P4HA1: variants seen among roughly 807,000 people sequenced by gnomAD.
P4HA1 encodes prolyl 4-hydroxylase subunit alpha 1.
P4HA1 carries 24 observed loss-of-function variants against 72.8 expected under a neutral mutation model. The observed-to-expected ratio is 0.33, with a 90% CI of 0.24 to 0.46. The LOEUF (loss-of-function observed/expected upper bound fraction) is 0.46, where lower values mean the gene tolerates loss of function less well. Among genes scored for constraint, P4HA1 ranks in the 20% least tolerant of loss-of-function variants. The probability of loss-of-function intolerance (pLI) is 1.00; values close to 1 mark genes in which losing one functional copy is unlikely to be tolerated. For synonymous variants in P4HA1, 201 were observed against 218.8 expected (o/e 0.92, Z 0.72); for missense variants, 446 against 640.6 (o/e 0.70, Z 3.28).
intron 1 of P4HA1, among the ~76,000 whole-genome samples, chr10:73,095,946 T>G (rs1309945609): frequency 1.3e-5 from 2 of 151,644 alleles, no homozygotes; most frequent in African/African-American, 4.8e-5. Flanking sequence ...CAACTCAAAA[T>G]CCTCACACAA....
At position 73,063,173 on chromosome 10, in the gene P4HA1, AC is replaced by A. The variant is rs762031700; in HGVS notation, c.463+5672del. Among the ~76,000 whole-genome samples, 84 of 152,288 alleles carry A rather than the reference AC, an allele frequency of 5.5e-4. 1 individual carries two copies. The highest frequency in any genetic ancestry group is 1.0e-3 in the Non-Finnish European group (71 of 68,030). On this transcript the variant is annotated intron_variant, in intron 5 of 14. Transcript: ENST00000394890. ...CAAGGACTGGATAATTTATAAAAAA[AC>A]AAATTTATTTTCTCACAGTTCTAGA... is the stretch of plus-strand genomic sequence containing the variant.
At chr10:73,052,092 G>T (rs540345912) in intron 6 of P4HA1, among the ~76,000 whole-genome samples, 2 of 151,006 alleles carry the variant, frequency 1.3e-5, no homozygotes, top group African/African-American at 4.9e-5. Context: ...TATAATTTTC[G>T]AATAAGCTGG....
Position 73,016,761 on chromosome 10 carries a change from A to G in P4HA1, c.1302+85T>C, listed in dbSNP as rs568529785. 7 of 993,270 alleles carry G rather than the reference A, an allele frequency of 7.0e-6. No individual in the cohort carries two copies. The South Asian group carries it at 8.1e-5, about 12-fold the overall frequency. 61.5% of individuals were successfully genotyped at this position (993,270 alleles called of 1,614,324 possible). Reference sequence around the variant, plus strand: ...TACTGCACTCCAGCCTGGGTGACAGAGTGAGACTGTTTTTTTGTTTTGTTT... The same window carrying G: ...TACTGCACTCCAGCCTGGGTGACAGGGTGAGACTGTTTTTTTGTTTTGTTT... On this transcript the variant is annotated intron_variant, in intron 11 of 14. Transcript: ENST00000394890.
chr10:73,028,921 T>C (rs1589585383), intron 10 of P4HA1, among the ~76,000 whole-genome samples: 1 of 151,074 alleles, frequency 6.6e-6, no homozygotes, highest in Admixed American at 6.6e-5. Flanking sequence ...GGCATGTGCC[T>C]GTGGTCCCAG....
rs1839875614 is a variant in P4HA1 at position 73,009,873 on chromosome 10, C to T, written c.1468G>A (p.Ala490Thr). Reference sequence around the variant, plus strand: ...GTACTATAATCTCCTTCTCCACTGGCAAACAGATTATACCAGAAAACAGCA... The same window carrying T: ...GTACTATAATCTCCTTCTCCACTGGTAAACAGATTATACCAGAAAACAGCA... ...GTAVFWYNLF[A>T]SGEGDYSTRH... The change falls in exon 14 of 15, where the codon GCC becomes ACC. Residue 490 changes from alanine (A) to threonine (T), a missense_variant. Coordinates refer to ENST00000394890, the MANE Select transcript of P4HA1 (RefSeq NM_001017962.3). The T allele has an allele frequency of 6.2e-7, 1 of 1,610,006 alleles. No homozygotes were observed. The highest frequency in any genetic ancestry group is 1.3e-5 in the African/African-American group (1 of 74,854).
At chr10:73,068,232 AAATC>A (rs1841472412) in intron 5 of P4HA1, among the ~76,000 whole-genome samples, 1 of 152,236 alleles carries the variant, frequency 6.6e-6, no homozygotes, top group African/African-American at 2.4e-5. Context: ...CTTACGGAGA[AAATC>A]AATTTCAATG....
At chr10:73,078,600 ATTTTTTT>A (rs770821126) in intron 1 of P4HA1, among the ~76,000 whole-genome samples, 11 of 99,698 alleles carry the variant, frequency 1.1e-4, no homozygotes, top group Non-Finnish European at 1.5e-4. Flanking sequence ...GCAGTAGGTA[ATTTTTTT>A]TTTTTTTTTT....
intron 5 of P4HA1, among the ~76,000 whole-genome samples, chr10:73,054,011 G>T (rs978187883): frequency 6.6e-5 from 10 of 151,892 alleles, no homozygotes; most frequent in African/African-American, 2.4e-4. Context: ...CCGCCTCCCA[G>T]GTTCAAGTGA....
intron 12 of P4HA1, among the ~76,000 whole-genome samples, chr10:73,012,551 GA>G (rs1839928960): frequency 1.3e-5 from 2 of 152,088 alleles, no homozygotes; most frequent in African/African-American, 4.8e-5. Flanking sequence ...AGTTGTGAGA[GA>G]AATACAAATT....
At chr10:73,014,369 G>A (rs989457274) in intron 11 of P4HA1, 80 bp from the exon 12 acceptor site, 93 of 1,014,190 alleles carry the variant, frequency 9.2e-5, no homozygotes, top group Middle Eastern at 4.1e-4. Context: ...AACATCAGTA[G>A]TAATATCCTG....
intron 7 of P4HA1, among the ~76,000 whole-genome samples, chr10:73,048,722 A>T (rs1182050467): frequency 6.6e-6 from 1 of 152,228 alleles, no homozygotes; most frequent in African/African-American, 2.4e-5. Flanking sequence ...TTTGAACACT[A>T]GATATTTGAT....
chr10:73,008,295 G>A lies in P4HA1; in HGVS notation c.1535-3C>T. On this transcript the variant is annotated splice_polypyrimidine_tract_variant and splice_region_variant and intron_variant, in intron 14 of 14. Transcript: ENST00000394890. ...TTCATGGAGCCATTTATTGGATACT[G>A]TGAGAGAAAAGTAATATATTAATTT... 6.4e-7 allele frequency: 1 copy of A among 1,557,064 alleles called. No individual in the cohort carries two copies. The highest frequency in any genetic ancestry group is 8.9e-7 in the Non-Finnish European group (1 of 1,128,814).
intron 3 of P4HA1, 31 bp downstream of exon 3, chr10:73,073,700 C>T: frequency 1.0e-6 from 1 of 967,556 alleles, no homozygotes; most frequent in South Asian, 1.3e-5. Context: ...CAGGTTGAGT[C>T]AGAGTCATAA....
intron 1 of P4HA1, among the ~76,000 whole-genome samples, chr10:73,093,895 TATATATATATATACACAC>T (rs1402113352): frequency 1.2e-5 from 1 of 80,208 alleles, no homozygotes; most frequent in Non-Finnish European, 2.2e-5. Flanking sequence ...TATATATATA[TATATATATATATACACAC>T]ACACACACAC....
chr10:73,065,758 A>G (rs1195812307), intron 5 of P4HA1, among the ~76,000 whole-genome samples: 1 of 152,162 alleles, frequency 6.6e-6, no homozygotes, highest in Non-Finnish European at 1.5e-5. Flanking sequence ...ACGTGAGTAC[A>G]TGGCCACAAA....
At chr10:73,047,744 TCTCTTA>T (rs1238138495) in intron 7 of P4HA1, among the ~76,000 whole-genome samples, 2 of 152,072 alleles carry the variant, frequency 1.3e-5, no homozygotes, top group Non-Finnish European at 2.9e-5. Context: ...GTTGCCTACT[TCTCTTA>T]ATTAAACAAG....
At chr10:73,037,572 T>TATATATATATATATA (rs1491362964) in intron 9 of P4HA1, among the ~76,000 whole-genome samples, 3 of 15,384 alleles carry the variant, frequency 2.0e-4, no homozygotes, top group African/African-American at 2.8e-4. Flanking sequence ...TATATATATA[T>TATATATATATATATA]TTTTTTTTTT....
At chr10:73,090,505 T>A (rs183726112) in intron 1 of P4HA1, among the ~76,000 whole-genome samples, 8 of 152,302 alleles carry the variant, frequency 5.3e-5, no homozygotes, top group Middle Eastern at 3.4e-3. Context: ...AAGTAGATAT[T>A]TTTGTCAAAT....
chr10:73,073,169 CAA>C (rs753465901), intron 3 of P4HA1, among the ~76,000 whole-genome samples: 13 of 61,808 alleles, frequency 2.1e-4, no homozygotes, highest in Admixed American at 6.0e-4. Flanking sequence ...GACTCTGTCA[CAA>C]AAAAAAAAAA....
Sources: gnomAD v4.1 joint callset for allele counts (sites outside exome capture counted in the v4.1 genomes callset) on GRCh38, gnomAD v4.1.1 for gene constraint, MANE v1.5 for transcripts, NCBI Gene and HGNC (gene_info 2026-07-23, HGNC 2026-07-21) for gene names.